Variants in CTNNBL1 observed in about 807,000 individuals in gnomAD.
The protein encoded by CTNNBL1 is catenin beta like 1.
A neutral mutation model predicts 72.7 loss-of-function variants in CTNNBL1; 31 were observed. That is an observed-to-expected ratio of 0.43 (90% CI 0.32 to 0.58). The LOEUF is 0.58. Among genes scored for constraint, CTNNBL1 ranks in the 20% least tolerant of loss-of-function variants. CTNNBL1 has a pLI of 0.08. For missense variants in CTNNBL1, 534 were observed against 725.1 expected (o/e 0.74, Z 3.03); for synonymous variants, 240 against 267.3 (o/e 0.90, Z 1.00).
intron 15 of CTNNBL1, 80 bp downstream of exon 15, chr20:37,860,424 G>A: frequency 8.7e-7 from 1 of 1,146,974 alleles, no homozygotes; most frequent in East Asian, 2.3e-5. Flanking sequence ...AGTATCCCTG[G>A]TATTTGATGT....
At chr20:37,783,785 A>G (rs1380952534) in intron 10 of CTNNBL1, among the ~76,000 whole-genome samples, 1 of 152,244 alleles carries the variant, frequency 6.6e-6, no homozygotes, top group Non-Finnish European at 1.5e-5. Flanking sequence ...CACATGAACT[A>G]TTCTTGAGAA....
intron 2 of CTNNBL1, among the ~76,000 whole-genome samples, chr20:37,736,677 A>G (rs1364950863): frequency 6.6e-6 from 1 of 151,938 alleles, no homozygotes; most frequent in South Asian, 2.1e-4. Flanking sequence ...AGTAGCTGGG[A>G]CTACAGGCAT....
chr20:37,774,325 A>G (rs1401308246), intron 7 of CTNNBL1, among the ~76,000 whole-genome samples: 2 of 152,154 alleles, frequency 1.3e-5, no homozygotes, highest in Non-Finnish European at 2.9e-5. Flanking sequence ...CCCAAACCAC[A>G]TGGGAACCAC....
intron 7 of CTNNBL1, 107 bp downstream of exon 7, chr20:37,768,151 T>G: frequency 2.2e-6 from 2 of 901,050 alleles, no homozygotes; most frequent in Non-Finnish European, 3.5e-6. Flanking sequence ...TGATCTAGTT[T>G]GGGAAGCTTC....
intron 1 of CTNNBL1, among the ~76,000 whole-genome samples, chr20:37,729,065 T>C (rs952591820): frequency 6.6e-6 from 1 of 152,244 alleles, no homozygotes; most frequent in African/African-American, 2.4e-5. Flanking sequence ...TTTAGTAAGT[T>C]ATTTGTTGAA....
intron 5 of CTNNBL1, among the ~76,000 whole-genome samples, chr20:37,759,291 C>T (rs187189814): frequency 4.9e-4 from 74 of 152,244 alleles, no homozygotes; most frequent in South Asian, 2.5e-3. Context: ...CCTGCAGTGT[C>T]GTTTGTGCAG....
intron 10 of CTNNBL1, among the ~76,000 whole-genome samples, chr20:37,788,534 G>A (rs769449434): frequency 7.2e-5 from 11 of 152,152 alleles, no homozygotes; most frequent in Non-Finnish European, 1.3e-4. Flanking sequence ...CACAAAACGG[G>A]GCCATAGTGT....
Position 37,707,816 on chromosome 20 carries a change from T to C in CTNNBL1, c.30+13664T>C, listed in dbSNP as rs537752411. Among the ~76,000 whole-genome samples, 3 of 152,348 alleles carry C rather than the reference T, an allele frequency of 2.0e-5. No individual in the cohort carries two copies. In the South Asian group the frequency reaches 6.2e-4, roughly 32 times the overall value. ...AGCTTAATCATGTATAGCTTTTGAT[T>C]TAAAGTGAGAGATGTGAGACTCTTT... is the stretch of plus-strand genomic sequence containing the variant. On this transcript the variant is annotated intron_variant, in intron 1 of 15. Coordinates refer to ENST00000361383, the MANE Select transcript of CTNNBL1 (RefSeq NM_030877.5).
intron 11 of CTNNBL1, among the ~76,000 whole-genome samples, chr20:37,811,735 T>C (rs2072013394): frequency 6.6e-6 from 1 of 152,208 alleles, no homozygotes; most frequent in Admixed American, 6.5e-5. Flanking sequence ...AATTTGCCAT[T>C]CTGGAAGCAA....
At chr20:37,729,043 A>G (rs568204144) in intron 1 of CTNNBL1, among the ~76,000 whole-genome samples, 1 of 152,332 alleles carries the variant, frequency 6.6e-6, no homozygotes, top group South Asian at 2.1e-4. Context: ...GACCCTTCAA[A>G]CCTTATAACT....
At chr20:37,803,792 C>G (rs6021024) in intron 11 of CTNNBL1, among the ~76,000 whole-genome samples, 124,596 of 151,990 alleles carry the variant, frequency 0.82, 51,125 homozygotes, top group Middle Eastern at 0.89. Context: ...GAGAGAGGAG[C>G]AGAAGCTGAG....
At chr20:37,797,507 T>G (rs565294332) in intron 10 of CTNNBL1, among the ~76,000 whole-genome samples, 3 of 152,262 alleles carry the variant, frequency 2.0e-5, no homozygotes, top group East Asian at 3.9e-4. Context: ...ACTCACACCA[T>G]GGATTAATTA....
At chr20:37,707,507 C>T (rs1042748822) in intron 1 of CTNNBL1, among the ~76,000 whole-genome samples, 14 of 152,206 alleles carry the variant, frequency 9.2e-5, no homozygotes, top group Non-Finnish European at 1.9e-4. Context: ...GTGCAGCTTC[C>T]TCACCTCTCT....
At chr20:37,856,333 G>T (rs2072440723) in intron 13 of CTNNBL1, among the ~76,000 whole-genome samples, 1 of 152,144 alleles carries the variant, frequency 6.6e-6, no homozygotes, top group Non-Finnish European at 1.5e-5. Flanking sequence ...TGAATGGCTA[G>T]TTCAAGGCAG....
chr20:37,808,001 TA>T (rs1462183374), intron 11 of CTNNBL1, among the ~76,000 whole-genome samples: 2 of 152,118 alleles, frequency 1.3e-5, no homozygotes, highest in African/African-American at 4.8e-5. Context: ...CTTCATTAGG[TA>T]TGTGAGTTAT....
rs750229382 is a variant in CTNNBL1, at chr20:37,694,099, G to A, written c.-24G>A. On this transcript the variant is annotated 5_prime_UTR_variant, in exon 1 of 16. Transcript: ENST00000361383. Reference sequence around the variant, plus strand: ...GGTCTGGGCGTGAGTGCAGGGAAGTGGAGTATTTGCTGGGCCGGGTACCAT... The same window carrying A: ...GGTCTGGGCGTGAGTGCAGGGAAGTAGAGTATTTGCTGGGCCGGGTACCAT... 3 of 1,604,092 alleles carry A rather than the reference G, an allele frequency of 1.9e-6. No individual in the cohort carries two copies. The highest frequency in any genetic ancestry group is 1.1e-5 in the South Asian group (1 of 89,696).
At chr20:37,773,943 C>T (rs1185803774) in intron 7 of CTNNBL1, among the ~76,000 whole-genome samples, 1 of 111,408 alleles carries the variant, frequency 9.0e-6, no homozygotes, top group African/African-American at 3.7e-5. Flanking sequence ...GAGGCAGGGT[C>T]TCATGCTGTT....
intron 4 of CTNNBL1, among the ~76,000 whole-genome samples, chr20:37,752,436 T>A (rs959447060): frequency 2.0e-5 from 3 of 152,238 alleles, no homozygotes; most frequent in African/African-American, 7.2e-5. Context: ...AGATATTTTT[T>A]AACTCACATT....
intron 1 of CTNNBL1, among the ~76,000 whole-genome samples, chr20:37,726,058 G>C (rs972104385): frequency 6.6e-6 from 1 of 152,192 alleles, no homozygotes; most frequent in African/African-American, 2.4e-5. Flanking sequence ...GTGTGAAAGA[G>C]GTTATTGTTC....
Sources: allele counts gnomAD v4.1 joint callset (sites outside exome capture counted in the v4.1 genomes callset), GRCh38; gene constraint gnomAD v4.1.1; transcripts MANE v1.5; gene names NCBI Gene and HGNC (gene_info 2026-07-23, HGNC 2026-07-21).